The following SGCD variants were observed in gnomAD, a reference collection of about 807,000 sequenced individuals.
SGCD encodes the protein sarcoglycan delta, also known as delta-sarcoglycan.
SGCD carries 18 observed loss-of-function variants against 36.6 expected under a neutral mutation model. That is an observed-to-expected ratio of 0.49 (90% confidence interval 0.34 to 0.73). The LOEUF is 0.73. Among genes scored for constraint, SGCD ranks in the 30% least tolerant of loss-of-function variants. The pLI, the probability that SGCD is intolerant of heterozygous loss-of-function variation, is 0.01. For missense variants in SGCD, 387 were observed against 346.7 expected (o/e 1.12, Z -0.92); for synonymous variants, 133 against 130.6 (o/e 1.02, Z -0.12).
intron 1 of SGCD, among the ~76,000 whole-genome samples, chr5:155,993,114 T>C (rs1451133600): frequency 3.9e-5 from 6 of 152,072 alleles, no homozygotes; most frequent in Admixed American, 2.0e-4. Context: ...GCCTCACCTA[T>C]TCCTTCCCTT....
intron 3 of SGCD, among the ~76,000 whole-genome samples, chr5:156,218,167 G>A (rs751019389): frequency 1.3e-5 from 2 of 151,986 alleles, no homozygotes; most frequent in East Asian, 1.9e-4. Flanking sequence ...CCAGCAAATC[G>A]CTTGAACCTG....
chr5:155,733,141 G>A, the SGCD span, among the ~76,000 whole-genome samples: 1 of 151,826 alleles, frequency 6.6e-6, no homozygotes, highest in African/African-American at 2.4e-5. Context: ...ATGAGCCAGG[G>A]CCAATGTGTC....
chr5:156,566,358 A>C (rs1025595082), intron 4 of SGCD, among the ~76,000 whole-genome samples: 1 of 152,190 alleles, frequency 6.6e-6, no homozygotes. Context: ...ATGGCATGCT[A>C]TTTTAATATT....
chr5:156,287,666 T>C (rs1766646479), intron 3 of SGCD, among the ~76,000 whole-genome samples: 1 of 151,878 alleles, frequency 6.6e-6, no homozygotes, highest in African/African-American at 2.4e-5. Flanking sequence ...TGTGTGTATG[T>C]GTGTATGGGT....
intron 1 of SGCD, among the ~76,000 whole-genome samples, chr5:156,011,005 T>G (rs752688696): frequency 5.3e-5 from 8 of 152,206 alleles, no homozygotes; most frequent in Non-Finnish European, 8.8e-5. Context: ...TTTGAATATC[T>G]TAGTGAAAGA....
At chr5:156,727,664 T>C (rs1182661293) in intron 7 of SGCD, among the ~76,000 whole-genome samples, 2 of 141,536 alleles carry the variant, frequency 1.4e-5, no homozygotes, top group Non-Finnish European at 3.1e-5. Context: ...TGAAGTTAGA[T>C]CTGGGTTTTT....
intron 1 of SGCD, among the ~76,000 whole-genome samples, chr5:156,113,261 G>A (rs1761832415): frequency 6.6e-6 from 1 of 152,078 alleles, no homozygotes; most frequent in Non-Finnish European, 1.5e-5. Flanking sequence ...CCTAAGAAAA[G>A]TCTTCATTTC....
At chr5:156,478,724 G>A (rs11953896) in intron 3 of SGCD, among the ~76,000 whole-genome samples, 8,209 of 152,196 alleles carry the variant, frequency 0.054, 250 homozygotes, top group South Asian at 0.088. Flanking sequence ...GGGATTACAG[G>A]TGTGAGCCGC....
chr5:156,180,883 G>C (rs910946883), intron 3 of SGCD, among the ~76,000 whole-genome samples: 3 of 152,198 alleles, frequency 2.0e-5, no homozygotes, highest in African/African-American at 7.2e-5. Context: ...TAATCTCTTA[G>C]AGCTGCTCTC....
In SGCD at chr5:156,636,184, G is replaced by A. The variant is rs546713973; in HGVS notation, c.503-11280G>A. 2.6e-5 allele frequency among the ~76,000 whole-genome samples: 4 copies of A among 152,212 alleles called. No homozygotes were observed. The South Asian group carries it at 6.2e-4, about 24-fold the overall frequency. ...CAGGAGAAAATGAAGCTGGTAGAAA[G>A]CTATTTCACTGAGACCATTTAACTA... On this transcript the variant is annotated intron_variant, in intron 6 of 8. Coordinates refer to ENST00000337851, the MANE Select transcript of SGCD (RefSeq NM_000337.6).
At position 156,253,402 on chromosome 5, in the gene SGCD, C is replaced by T. The variant is rs142379206; in HGVS notation, c.-43-76132C>T. Among the ~76,000 whole-genome samples, 98 of 152,184 alleles carry T rather than the reference C, an allele frequency of 6.4e-4. 1 individual carries two copies. In the Middle Eastern group the frequency reaches 0.024, roughly 37 times the overall value. On this transcript the variant is annotated intron_variant, in intron 3 of 9. Transcript: ENST00000517913. The stretch of plus-strand genomic sequence containing the variant: ...TTTTTCAGTTTCAATTTTATATTTA[C>T]AAGGAAGGGACTCTGTATCAGAATA...
At chr5:156,619,013 G>C (rs1264205680) in intron 6 of SGCD, among the ~76,000 whole-genome samples, 1 of 150,324 alleles carries the variant, frequency 6.7e-6, no homozygotes, top group Non-Finnish European at 1.5e-5. Flanking sequence ...GCTTTGAAGA[G>C]AGCCAATTCC....
At chr5:156,093,305 G>T (rs910797018) in intron 1 of SGCD, among the ~76,000 whole-genome samples, 8 of 152,248 alleles carry the variant, frequency 5.3e-5, no homozygotes, top group African/African-American at 1.9e-4. Flanking sequence ...CCCTGCCATT[G>T]TATACTTTGG....
At chr5:156,408,136 A>G (rs556948083) in intron 3 of SGCD, among the ~76,000 whole-genome samples, 43 of 152,322 alleles carry the variant, frequency 2.8e-4, no homozygotes, top group South Asian at 2.3e-3. Context: ...TTCTACCAAA[A>G]GTTTATTACT....
At chr5:156,602,716 T>G (rs975787203) in intron 6 of SGCD, among the ~76,000 whole-genome samples, 1 of 152,216 alleles carries the variant, frequency 6.6e-6, no homozygotes, top group Non-Finnish European at 1.5e-5. Flanking sequence ...TTTTTGTCTT[T>G]CTTTCCATTA....
intron 3 of SGCD, among the ~76,000 whole-genome samples, chr5:156,253,366 G>T (rs549652074): frequency 9.8e-5 from 15 of 152,290 alleles, no homozygotes; most frequent in African/African-American, 3.4e-4. Flanking sequence ...ACTAGGAGAG[G>T]CTAATTAGCA....
intron 3 of SGCD, among the ~76,000 whole-genome samples, chr5:156,225,748 T>C (rs529141270): frequency 3.9e-5 from 6 of 152,164 alleles, no homozygotes; most frequent in Admixed American, 2.0e-4. Context: ...GAAGTAGTAA[T>C]TGTAACTGAC....
At chr5:156,690,770 C>A (rs2113705218) in intron 7 of SGCD, among the ~76,000 whole-genome samples, 1 of 152,056 alleles carries the variant, frequency 6.6e-6, no homozygotes, top group African/African-American at 2.4e-5. Context: ...TTTAATGTAG[C>A]AGAGATGCCA....
intron 1 of SGCD, among the ~76,000 whole-genome samples, chr5:156,104,363 G>A (rs978752502): frequency 3.5e-4 from 54 of 152,170 alleles, no homozygotes; most frequent in Non-Finnish European, 8.8e-5. Flanking sequence ...TGATCTTCAC[G>A]ATATGCCCAA....
Sources: gnomAD v4.1 joint callset for allele counts (sites outside exome capture counted in the v4.1 genomes callset) on GRCh38, gnomAD v4.1.1 for gene constraint, MANE v1.5 for transcripts, NCBI Gene and HGNC (gene_info 2026-07-23, HGNC 2026-07-21) for gene names.